ZNF841: variants seen among roughly 807,000 people sequenced by gnomAD.
The protein encoded by ZNF841 is TCONS_00006091.
ZNF841 carries 11 observed loss-of-function variants against 13.0 expected under a neutral mutation model. That is an observed-to-expected ratio of 0.85 (90% confidence interval 0.53 to 1.40). The LOEUF (loss-of-function observed/expected upper bound fraction) is 1.40, where lower values mean the gene tolerates loss of function less well. Among genes scored for constraint, ZNF841 ranks in the 40% most tolerant of loss-of-function variants. The pLI, the probability that ZNF841 is intolerant of heterozygous loss-of-function variation, is 0.00. For missense variants in ZNF841, 1,068 were observed against 1,139.5 expected, an observed-to-expected ratio of 0.94 and a Z score of 0.90; for synonymous variants, 369 against 381.6, an observed-to-expected ratio of 0.97 and a Z score of 0.38.
downstream of ZNF841, chr19:52,064,418 A>G (rs1467825364): frequency 2.6e-5 from 4 of 151,162 alleles, no homozygotes; most frequent in South Asian, 2.1e-4. Flanking sequence ...ATGTGTAAAT[A>G]TATTAGGCCA....
At chr19:52,064,352 CCAA>C (rs2087463043), downstream of ZNF841, 10 of 48,966 alleles carry the variant, frequency 2.0e-4, no homozygotes, top group African/African-American at 4.7e-4. Flanking sequence ...GACTCCGTCT[CCAA>C]AAAAAAAAAA....
intron 4 of ZNF841, 88 bp downstream of exon 4, chr19:52,084,699 C>A: frequency 6.8e-7 from 1 of 1,470,458 alleles, no homozygotes; most frequent in Admixed American, 1.8e-5. Context: ...AGGCAGGATA[C>A]TTCAGACTCA....
At chr19:52,069,260 A>G (rs985534843) in intron 6 of ZNF841, among the ~76,000 whole-genome samples, 4 of 152,094 alleles carry the variant, frequency 2.6e-5, no homozygotes, top group Admixed American at 6.6e-5. Context: ...GTTTTGGTAG[A>G]GATGAGGTTT....
chr19:52,059,370 A>AAT, the ZNF841 span, among the ~76,000 whole-genome samples: 4,272 of 68,998 alleles, frequency 0.062, 247 homozygotes, highest in Non-Finnish European at 0.073. Context: ...AAAAAAAAAA[A>AAT]ATATATATAT....
intron 6 of ZNF841, among the ~76,000 whole-genome samples, chr19:52,072,761 G>A (rs2087776133): frequency 6.6e-6 from 1 of 152,202 alleles, no homozygotes; most frequent in South Asian, 2.1e-4. Flanking sequence ...GGAGGTTGCA[G>A]TGAGCCGAGA....
At chr19:52,076,433 C>G in intron 5 of ZNF841, 1 of 360,250 alleles carries the variant, frequency 2.8e-6, no homozygotes, top group Non-Finnish European at 5.2e-6. Context: ...GAGGCCAAGA[C>G]GGGAAGATGA....
At chr19:52,093,243 CAG>C (rs2088565269) in intron 2 of ZNF841, among the ~76,000 whole-genome samples, 1 of 152,152 alleles carries the variant, frequency 6.6e-6, no homozygotes, top group African/African-American at 2.4e-5. Flanking sequence ...TAGACATATA[CAG>C]AGTGTTCATG....
rs1257131962 is a variant in ZNF841 at position 52,083,169 on chromosome 19, G to A, written c.15+1618C>T. On this transcript the variant is annotated intron_variant, in intron 4 of 6. Transcript: ENST00000594440. Reference sequence around the variant, plus strand: ...TTGTTTTCTAAAATCTCATAATGACGTGTAAATGCATCTTGACACCTCTCA... The same window carrying A: ...TTGTTTTCTAAAATCTCATAATGACATGTAAATGCATCTTGACACCTCTCA... 4.6e-5 allele frequency among the ~76,000 whole-genome samples: 7 copies of A among 151,860 alleles called. No individual in the cohort carries two copies. In the East Asian group the frequency reaches 9.7e-4, roughly 21 times the overall value.
At chr19:52,086,407 C>T (rs2088276935) in intron 3 of ZNF841, among the ~76,000 whole-genome samples, 1 of 152,164 alleles carries the variant, frequency 6.6e-6, no homozygotes, top group Non-Finnish European at 1.5e-5. Flanking sequence ...CTGCTCCCGC[C>T]ATGTGAGACG....
At chr19:52,090,946 T>A (rs2088476739) in intron 2 of ZNF841, among the ~76,000 whole-genome samples, 1 of 152,178 alleles carries the variant, frequency 6.6e-6, no homozygotes, top group South Asian at 2.1e-4. Flanking sequence ...GTTCAGAGAA[T>A]GCAGTCGTGC....
intron 2 of ZNF841, among the ~76,000 whole-genome samples, chr19:52,091,904 C>T (rs1211574333): frequency 2.0e-5 from 3 of 152,184 alleles, no homozygotes; most frequent in African/African-American, 4.8e-5. Context: ...AATCCCAGCA[C>T]TTTGGGACGC....
At chr19:52,095,005 C>T (rs183627051) in intron 1 of ZNF841, among the ~76,000 whole-genome samples, 129 of 152,232 alleles carry the variant, frequency 8.5e-4, no homozygotes, top group African/African-American at 3.0e-3. Flanking sequence ...CTCAGTTTTT[C>T]CTTTTGCTCC....
At chr19:52,082,516 T>C (rs2088134418) in intron 4 of ZNF841, among the ~76,000 whole-genome samples, 1 of 152,224 alleles carries the variant, frequency 6.6e-6, no homozygotes, top group Non-Finnish European at 1.5e-5. Context: ...TCATATTTTA[T>C]AATCACACCG....
chr19:52,078,852 AAAGAT>A (rs1204196320), intron 4 of ZNF841, among the ~76,000 whole-genome samples: 16 of 152,232 alleles, frequency 1.1e-4, no homozygotes, highest in Non-Finnish European at 1.2e-4. Flanking sequence ...TCAACTGTGA[AAAGAT>A]AATAGGCTGA....
intron 6 of ZNF841, among the ~76,000 whole-genome samples, chr19:52,068,736 C>G (rs141054367): frequency 6.6e-6 from 1 of 150,690 alleles, no homozygotes; most frequent in East Asian, 2.0e-4. Context: ...TTTGAGAGGC[C>G]AAGGTGGGCA....
At position 52,090,630 on chromosome 19, in the gene ZNF841, A is replaced by AGAAGGAAGGAAG. The variant is rs781211199; in HGVS notation, c.-143-1640_-143-1629dup. 1.4e-3 allele frequency among the ~76,000 whole-genome samples: 131 copies of AGAAGGAAGGAAG among 90,600 alleles called. 1 individual carries two copies. Among genetic ancestry groups the AGAAGGAAGGAAG allele is most frequent in the African/African-American group, 5.5e-3 (121 of 21,912 alleles). 59.4% of individuals were successfully genotyped at this position (90,600 alleles called of 152,430 possible). ...CTTAAAAAAAGAAAGAAAGAAAGAA[A>AGAAGGAAGGAAG]GAAGGAAGGAAGGAAGGAAGGAAGG... On this transcript the variant is annotated intron_variant, in intron 2 of 6. Transcript: ENST00000594440.
intron 3 of ZNF841, among the ~76,000 whole-genome samples, chr19:52,086,273 T>A (rs537286993): frequency 6.6e-6 from 1 of 152,274 alleles, no homozygotes; most frequent in East Asian, 1.9e-4. Flanking sequence ...GGATGGATCA[T>A]GGGGGTGGAT....
intron 6 of ZNF841, among the ~76,000 whole-genome samples, chr19:52,071,081 T>C (rs1450552875): frequency 6.6e-6 from 1 of 152,056 alleles, no homozygotes; most frequent in Non-Finnish European, 1.5e-5. Context: ...GAGAAACTAA[T>C]GTAGAGGTAG....
the ZNF841 span, chr19:52,058,885 C>T: frequency 6.5e-6 from 1 of 153,160 alleles, no homozygotes; most frequent in East Asian, 1.9e-4. Context: ...CAGTTTCACT[C>T]CAGCCTGGGT....
Sources: gnomAD v4.1 joint callset for allele counts (sites outside exome capture counted in the v4.1 genomes callset) on GRCh38, gnomAD v4.1.1 for gene constraint, MANE v1.5 for transcripts, NCBI Gene and HGNC (gene_info 2026-07-23, HGNC 2026-07-21) for gene names.